The following BMP2K variants were observed in gnomAD, a reference collection of about 807,000 sequenced individuals.
BMP2K encodes the protein BMP-2-inducible protein kinase.
A neutral mutation model predicts 116.0 loss-of-function variants in BMP2K; 74 were observed. That is an observed-to-expected ratio of 0.64 (90% CI 0.53 to 0.77). The LOEUF (loss-of-function observed/expected upper bound fraction) is 0.77, where lower values mean the gene tolerates loss of function less well. Ranked by LOEUF, BMP2K falls within the 30% of genes least tolerant of loss-of-function variation. The pLI, the probability that BMP2K is intolerant of heterozygous loss-of-function variation, is 0.00. For missense variants in BMP2K, 1,365 were observed against 1,403.6 expected, an observed-to-expected ratio of 0.97 and a Z score of 0.44; for synonymous variants, 486 against 502.5, an observed-to-expected ratio of 0.97 and a Z score of 0.44.
intron 1 of BMP2K, among the ~76,000 whole-genome samples, chr4:78,823,335 C>T (rs947391144): frequency 1.1e-4 from 16 of 151,870 alleles, no homozygotes; most frequent in African/African-American, 3.9e-4. Context: ...TGGGAACTTA[C>T]TTCAGTGACT....
intron 2 of BMP2K, among the ~76,000 whole-genome samples, chr4:78,829,802 C>CTT (rs1359719170): frequency 5.8e-5 from 7 of 119,696 alleles, no homozygotes; most frequent in African/African-American, 1.3e-4. Context: ...CTTCTCTTCT[C>CTT]TTCTCTTCTC....
At chr4:78,881,594 T>A (rs1732886888) in intron 14 of BMP2K, among the ~76,000 whole-genome samples, 4 of 152,288 alleles carry the variant, frequency 2.6e-5, no homozygotes, top group South Asian at 2.1e-4. Context: ...TATTTAGTCA[T>A]CTTTAGCACC....
At chr4:78,802,466 T>G (rs1028440117) in intron 1 of BMP2K, among the ~76,000 whole-genome samples, 1 of 152,234 alleles carries the variant, frequency 6.6e-6, no homozygotes, top group Admixed American at 6.5e-5. Flanking sequence ...ATAGTCAAAC[T>G]TACAAGTTTT....
intron 1 of BMP2K, among the ~76,000 whole-genome samples, chr4:78,815,172 A>G (rs529691882): frequency 4.6e-5 from 7 of 152,296 alleles, no homozygotes; most frequent in African/African-American, 1.4e-4. Context: ...AGTCGAAACT[A>G]TACACTTTGG....
At chr4:78,817,864 G>T (rs569764109) in intron 1 of BMP2K, among the ~76,000 whole-genome samples, 8 of 152,204 alleles carry the variant, frequency 5.3e-5, no homozygotes, top group Admixed American at 1.3e-4. Context: ...GCATAATAAA[G>T]AAATGTCTAC....
At chr4:78,783,685 A>G (rs1259816922) in intron 1 of BMP2K, among the ~76,000 whole-genome samples, 2 of 152,162 alleles carry the variant, frequency 1.3e-5, no homozygotes, top group African/African-American at 2.4e-5. Context: ...ACGTGCCTAT[A>G]ATAACAGCTA....
At chr4:78,846,155 A>G (rs888888907) in intron 5 of BMP2K, among the ~76,000 whole-genome samples, 8 of 151,670 alleles carry the variant, frequency 5.3e-5, no homozygotes, top group East Asian at 3.9e-4. Context: ...ATAAGGTTCA[A>G]TTGAATGTTT....
intron 3 of BMP2K, among the ~76,000 whole-genome samples, chr4:78,835,632 A>C (rs1730440311): frequency 7.3e-6 from 1 of 137,092 alleles, no homozygotes; most frequent in Non-Finnish European, 1.5e-5. Context: ...CGTGTCAAAA[A>C]AAAAAAAAAA....
At chr4:78,833,766 G>A in intron 3 of BMP2K, 79 bp downstream of exon 3, 1 of 888,686 alleles carries the variant, frequency 1.1e-6, no homozygotes, top group South Asian at 1.5e-5. Flanking sequence ...TTATTTCCAG[G>A]GTAGCTGCTA....
chr4:78,833,235 CTTAG>C (rs1050172207), intron 2 of BMP2K, among the ~76,000 whole-genome samples: 8 of 150,758 alleles, frequency 5.3e-5, no homozygotes, highest in Non-Finnish European at 5.9e-5. Context: ...AATATTGGAG[CTTAG>C]TTATTTTATT....
At chr4:78,896,906 T>C (rs762441563) in intron 15 of BMP2K, among the ~76,000 whole-genome samples, 11 of 152,306 alleles carry the variant, frequency 7.2e-5, no homozygotes, top group South Asian at 2.1e-4. Flanking sequence ...ATGGATTTAT[T>C]GCTAGATGGG....
chr4:78,783,663 G>A (rs1281852156), intron 1 of BMP2K, among the ~76,000 whole-genome samples: 1 of 152,050 alleles, frequency 6.6e-6, no homozygotes, highest in Non-Finnish European at 1.5e-5. Context: ...AATATTAGCC[G>A]GGCATAGTGG....
chr4:78,854,259 TTTA>T (rs978344785), intron 7 of BMP2K, among the ~76,000 whole-genome samples: 20 of 149,430 alleles, frequency 1.3e-4, no homozygotes, highest in Admixed American at 1.0e-3. Context: ...TGGGGCTAAA[TTTA>T]TTATTATTAT....
intron 10 of BMP2K, among the ~76,000 whole-genome samples, chr4:78,870,159 A>G (rs1427582267): frequency 6.6e-6 from 1 of 152,230 alleles, no homozygotes; most frequent in East Asian, 1.9e-4. Context: ...ATAAATAAAT[A>G]TCCATTTAGG....
chr4:78,903,125 C>T (rs1734102225), intron 15 of BMP2K, among the ~76,000 whole-genome samples: 1 of 151,816 alleles, frequency 6.6e-6, no homozygotes, highest in Non-Finnish European at 1.5e-5. Flanking sequence ...CCATACAATA[C>T]CTTGCTGAAT....
chr4:78,821,912 T>C (rs1397098522), intron 1 of BMP2K, among the ~76,000 whole-genome samples: 1 of 152,210 alleles, frequency 6.6e-6, no homozygotes, highest in Non-Finnish European at 1.5e-5. Context: ...TTAAAAATGA[T>C]TTAATTAAAG....
chr4:78,875,242 T>G (rs1316861769), intron 13 of BMP2K, among the ~76,000 whole-genome samples: 1 of 152,226 alleles, frequency 6.6e-6, no homozygotes, highest in East Asian at 1.9e-4. Flanking sequence ...ACAAAGTCAG[T>G]GGAAGAAGAG....
chr4:78,868,435 G>A (rs1226597328), intron 10 of BMP2K, among the ~76,000 whole-genome samples: 1 of 152,150 alleles, frequency 6.6e-6, no homozygotes, highest in African/African-American at 2.4e-5. Flanking sequence ...TGGGGACAAA[G>A]TCAAACCATA....
In BMP2K at chr4:78,861,372, A is replaced by AT. The variant is rs562375575; in HGVS notation, c.988-9dup. On this transcript the variant is annotated splice_polypyrimidine_tract_variant and intron_variant, in intron 8 of 15. Coordinates refer to ENST00000502613, the MANE Select transcript of BMP2K (RefSeq NM_198892.2). ...ATAAAAAACTAAAATGAGACGTTTT[A>AT]TTTTTTTTCTTCCAAGAATTCTTCT... 8.8e-4 allele frequency: 1,382 copies of AT among 1,571,602 alleles called. 1 individual carries two copies. The highest frequency in any genetic ancestry group is 1.0e-3 in the Non-Finnish European group (1,193 of 1,157,772).
Sources: allele counts gnomAD v4.1 joint callset (sites outside exome capture counted in the v4.1 genomes callset), GRCh38; gene constraint gnomAD v4.1.1; transcripts MANE v1.5; gene names NCBI Gene and HGNC (gene_info 2026-07-23, HGNC 2026-07-21).